The following SCD5 variants were observed in gnomAD, a reference collection of about 807,000 sequenced individuals.
SCD5 encodes the protein stearoyl-CoA desaturase 5.
Under a neutral mutation model 30.4 loss-of-function variants are expected in SCD5, and 20 were observed. The ratio of observed to expected loss-of-function variants is 0.66; its 90% CI spans 0.46 to 0.96. The LOEUF (loss-of-function observed/expected upper bound fraction) is 0.96. Among genes scored for constraint, SCD5 ranks in the 40% least tolerant of loss-of-function variants. The pLI, the probability that SCD5 is intolerant of heterozygous loss-of-function variation, is 0.00. For synonymous variants in SCD5, 173 were observed against 176.4 expected (o/e 0.98, Z 0.16); for missense variants, 381 against 443.3 (o/e 0.86, Z 1.26).
chr4:82,793,331 C>A (rs1722138671), intron 1 of SCD5, among the ~76,000 whole-genome samples: 3 of 152,134 alleles, frequency 2.0e-5, no homozygotes, highest in Non-Finnish European at 2.9e-5. Context: ...CGCTCAAGAC[C>A]AGCTGAGTTG....
At chr4:82,634,705 T>G (rs1379595160) in intron 4 of SCD5, among the ~76,000 whole-genome samples, 1 of 152,202 alleles carries the variant, frequency 6.6e-6, no homozygotes, top group Non-Finnish European at 1.5e-5. Context: ...TTAGGGCCCA[T>G]GTCATGGCCA....
intron 1 of SCD5, among the ~76,000 whole-genome samples, chr4:82,779,054 G>A (rs1291275750): frequency 3.9e-5 from 6 of 152,072 alleles, no homozygotes; most frequent in Non-Finnish European, 8.8e-5. Flanking sequence ...TAGTAGAGAC[G>A]GGGTTTCTCC....
intron 1 of SCD5, among the ~76,000 whole-genome samples, chr4:82,741,794 G>A (rs1235007636): frequency 6.9e-6 from 1 of 144,116 alleles, no homozygotes; most frequent in East Asian, 2.1e-4. Flanking sequence ...TTGAGACCTG[G>A]CTCCGTCACT....
At chr4:82,788,821 T>C (rs1471618838) in intron 1 of SCD5, among the ~76,000 whole-genome samples, 1 of 152,206 alleles carries the variant, frequency 6.6e-6, no homozygotes, top group Non-Finnish European at 1.5e-5. Flanking sequence ...ATTGACTCCA[T>C]GTGCTGCCCG....
intron 3 of SCD5, among the ~76,000 whole-genome samples, chr4:82,653,707 T>TAGATAGATAAATATAG (rs34976357): frequency 1.6e-5 from 1 of 61,630 alleles, no homozygotes; most frequent in African/African-American, 6.4e-5. Flanking sequence ...GATAGATAGA[T>TAGATAGATAAATATAG]ATAGATAGAT....
At chr4:82,722,691 G>A (rs1720393875) in intron 1 of SCD5, among the ~76,000 whole-genome samples, 1 of 151,902 alleles carries the variant, frequency 6.6e-6, no homozygotes, top group African/African-American at 2.4e-5. Context: ...CTTGAACCCG[G>A]GAGGCGGAGG....
rs1722058159 is a variant in SCD5, at chr4:82,789,573, T to G, written c.232+8733A>C. ...CTTTGAGTAGCAAGGCCCTTAAGGC[T>G]CAGGCAACTGCAGCTGTAAGACTGT... On this transcript the variant is annotated intron_variant, in intron 1 of 4. Transcript: ENST00000319540. 2.0e-5 allele frequency among the ~76,000 whole-genome samples: 3 copies of G among 152,210 alleles called. No individual in the cohort carries two copies. The South Asian group carries it at 6.2e-4, about 32-fold the overall frequency.
At position 82,761,486 on chromosome 4, in the gene SCD5, C is replaced by A. The variant is rs1194477712; in HGVS notation, c.232+36820G>T. Among the ~76,000 whole-genome samples, 4 of 152,290 alleles carry A rather than the reference C, an allele frequency of 2.6e-5. No individual in the cohort carries two copies. The Middle Eastern group carries it at 0.01, about 388-fold the overall frequency. ...GGAAATCCATCTGTTTTAGATTGCTCTATAGACTCACCCTAACTTCTTTTA... is the reference window on the plus strand; with the variant it reads ...GGAAATCCATCTGTTTTAGATTGCTATATAGACTCACCCTAACTTCTTTTA... On this transcript the variant is annotated intron_variant, in intron 1 of 4. Coordinates refer to ENST00000319540, the MANE Select transcript of SCD5 (RefSeq NM_001037582.3).
At chr4:82,744,970 G>A (rs1232104707) in intron 1 of SCD5, among the ~76,000 whole-genome samples, 2 of 152,120 alleles carry the variant, frequency 1.3e-5, no homozygotes, top group African/African-American at 4.8e-5. Context: ...AGAAAGATAC[G>A]TGAGTAAATG....
chr4:82,746,959 AGGGG>A (rs57988591), intron 1 of SCD5, among the ~76,000 whole-genome samples: 96,728 of 151,392 alleles, frequency 0.64, 32,561 homozygotes, highest in Non-Finnish European at 0.75. Flanking sequence ...CAAGGGCGTC[AGGGG>A]GAGAGGAGGA....
chr4:82,645,504 GC>G (rs1348526476), intron 3 of SCD5, among the ~76,000 whole-genome samples: 1 of 152,170 alleles, frequency 6.6e-6, no homozygotes, highest in East Asian at 1.9e-4. Flanking sequence ...GCATTCTATA[GC>G]TTGAAGGTGA....
intron 1 of SCD5, among the ~76,000 whole-genome samples, chr4:82,708,337 G>A (rs954375642): frequency 4.6e-5 from 7 of 152,178 alleles, no homozygotes; most frequent in East Asian, 1.9e-4. Context: ...AAATAGACCC[G>A]TCCCAAAACA....
intron 1 of SCD5, among the ~76,000 whole-genome samples, chr4:82,759,986 G>A (rs1721322804): frequency 6.6e-6 from 1 of 151,964 alleles, no homozygotes; most frequent in African/African-American, 2.4e-5. Flanking sequence ...CAGCATCTAT[G>A]GTGCCCATCC....
rs139198958 is a variant in SCD5, at chr4:82,713,788, C to T, written c.233-8375G>A. 2.8e-3 allele frequency among the ~76,000 whole-genome samples: 430 copies of T among 152,310 alleles called. 1 individual carries two copies. The highest frequency in any genetic ancestry group is 4.8e-3 in the Non-Finnish European group (327 of 68,034). On this transcript the variant is annotated intron_variant, in intron 1 of 4. Coordinates refer to ENST00000319540, the MANE Select transcript of SCD5 (RefSeq NM_001037582.3). ...ATTACCCAGCAACCATATTATATTT[C>T]CCCGATCCATATGCGGTCCCTCTCT... is the stretch of plus-strand genomic sequence containing the variant.
rs75774922 is a variant in SCD5, at chr4:82,753,883, C to T, written c.232+44423G>A. On this transcript the variant is annotated intron_variant, in intron 1 of 4. Coordinates refer to ENST00000319540, the MANE Select transcript of SCD5 (RefSeq NM_001037582.3). ...TGAGGCCCTGGGAAAATGTCACATC[C>T]GAGGCTGAGCCAGTCCTGATGAGAA... 9.5e-3 allele frequency among the ~76,000 whole-genome samples: 1,440 copies of T among 152,132 alleles called. 26 individuals are homozygous for T. Among genetic ancestry groups the T allele is most frequent in the African/African-American group, 0.03 (1,240 of 41,530 alleles).
At chr4:82,796,353 T>C (rs1286635839) in intron 1 of SCD5, among the ~76,000 whole-genome samples, 1 of 151,368 alleles carries the variant, frequency 6.6e-6, no homozygotes, top group African/African-American at 2.4e-5. Context: ...GTTTGGGACA[T>C]GAGTCACAAA....
chr4:82,684,262 C>CT (rs750131460), intron 2 of SCD5, among the ~76,000 whole-genome samples: 33 of 152,140 alleles, frequency 2.2e-4, no homozygotes, highest in Non-Finnish European at 3.5e-4. Flanking sequence ...GCCAAAAATA[C>CT]TTTAAGATGT....
chr4:82,785,998 G>A (rs1454836856), intron 1 of SCD5, among the ~76,000 whole-genome samples: 1 of 152,044 alleles, frequency 6.6e-6, no homozygotes, highest in African/African-American at 2.4e-5. Context: ...CTATTCCACG[G>A]GACAATTACA....
chr4:82,711,836 C>CCTTG (rs57868285), intron 1 of SCD5, among the ~76,000 whole-genome samples: 1,926 of 152,208 alleles, frequency 0.013, 43 homozygotes, highest in African/African-American at 0.044. Context: ...CTGCACCTGT[C>CCTTG]CTTGATTCTT....
Sources: allele counts gnomAD v4.1 joint callset (sites outside exome capture counted in the v4.1 genomes callset), GRCh38; gene constraint gnomAD v4.1.1; transcripts MANE v1.5; gene names NCBI Gene and HGNC (gene_info 2026-07-23, HGNC 2026-07-21).